ITGA8: variants seen among roughly 807,000 people sequenced by gnomAD.
ITGA8 encodes integrin subunit alpha 8.
ITGA8 carries 91 observed loss-of-function variants against 142.3 expected under a neutral mutation model. That is an observed-to-expected ratio of 0.64 (90% CI 0.54 to 0.76). The LOEUF is 0.76. ITGA8 is among the 30% of genes least tolerant of loss of function. The probability of loss-of-function intolerance (pLI) is 0.00; values close to 1 mark genes in which losing one functional copy is unlikely to be tolerated. For synonymous variants in ITGA8, 505 were observed against 485.2 expected (o/e 1.04, Z -0.54); for missense variants, 1,406 against 1,327.7 (o/e 1.06, Z -0.92).
At chr10:15,626,220 C>CTTTCT (rs767836477) in intron 13 of ITGA8, among the ~76,000 whole-genome samples, 32 of 152,196 alleles carry the variant, frequency 2.1e-4, no homozygotes, top group African/African-American at 6.0e-4. Context: ...GAGAGATGTT[C>CTTTCT]TTTCTTTTCT....
chr10:15,522,435 C>T (rs1438767813), intron 28 of ITGA8, among the ~76,000 whole-genome samples: 4 of 152,086 alleles, frequency 2.6e-5, no homozygotes, highest in African/African-American at 9.7e-5. Flanking sequence ...GAAGTGGACT[C>T]ACACAGTTTT....
rs114114237 is a variant in ITGA8 at position 15,588,572 on chromosome 10, A to T, written c.2292-1908T>A. ...CCAAATATATTATGGGTAATTCTTC[A>T]GTTTGGAAATTTAAATATATTTGTG... On this transcript the variant is annotated intron_variant, in intron 22 of 29. Transcript: ENST00000378076. 4.3e-3 allele frequency among the ~76,000 whole-genome samples: 655 copies of T among 152,328 alleles called. 3 individuals are homozygous for T. Among genetic ancestry groups the T allele is most frequent in the African/African-American group, 0.015 (613 of 41,576 alleles).
intron 4 of ITGA8, among the ~76,000 whole-genome samples, chr10:15,683,316 C>G (rs76351170): frequency 7.0e-6 from 1 of 142,124 alleles, no homozygotes; most frequent in Non-Finnish European, 1.5e-5. Flanking sequence ...CACCCACCCA[C>G]CCACCCACCC....
At chr10:15,583,908 A>G (rs1054761066) in intron 23 of ITGA8, among the ~76,000 whole-genome samples, 2 of 152,332 alleles carry the variant, frequency 1.3e-5, no homozygotes, top group South Asian at 2.1e-4. Context: ...GATATTGGTA[A>G]TCTTTGTAAC....
intron 25 of ITGA8, among the ~76,000 whole-genome samples, chr10:15,571,274 A>T (rs1834177835): frequency 1.3e-5 from 2 of 152,238 alleles, no homozygotes; most frequent in South Asian, 4.1e-4. Flanking sequence ...AGGTAGGGGC[A>T]GACCTGCTCT....
In ITGA8 at chr10:15,666,564, G is replaced by T. The variant is rs183498548; in HGVS notation, c.847+5039C>A. Among the ~76,000 whole-genome samples, 598 of 152,268 alleles carry T rather than the reference G, an allele frequency of 3.9e-3. 5 individuals carry two copies. The highest frequency in any genetic ancestry group is 0.014 in the African/African-American group (582 of 41,560). On this transcript the variant is annotated intron_variant, in intron 8 of 29. Coordinates refer to ENST00000378076, the MANE Select transcript of ITGA8 (RefSeq NM_003638.3). ...GAACTTCCAACACTATGTTGAATAG[G>T]AGTGATGAGAGAGGGCATCCCTGTC...
At chr10:15,676,808 A>C (rs1834638891) in intron 6 of ITGA8, among the ~76,000 whole-genome samples, 1 of 152,186 alleles carries the variant, frequency 6.6e-6, no homozygotes, top group Admixed American at 6.5e-5. Context: ...CAAGAGTTTG[A>C]GACCAGCCTG....
At chr10:15,563,870 T>C (rs1449057232) in intron 25 of ITGA8, among the ~76,000 whole-genome samples, 1 of 151,096 alleles carries the variant, frequency 6.6e-6, no homozygotes, top group African/African-American at 2.4e-5. Flanking sequence ...TGAGCCAAGA[T>C]AGTGCCACTG....
chr10:15,591,158 C>A (rs1868996), intron 22 of ITGA8, among the ~76,000 whole-genome samples: 42,093 of 151,862 alleles, frequency 0.28, 7,089 homozygotes, highest in Non-Finnish European at 0.38. Context: ...AGAAATTAAC[C>A]ATCTTGCACA....
Position 15,608,217 on chromosome 10 carries a change from A to C in ITGA8, c.1609+18T>G, listed in dbSNP as rs1451578313. The C allele has an allele frequency of 6.4e-7, 1 of 1,568,602 alleles. No individual in the cohort carries two copies. The highest frequency in any genetic ancestry group is 8.7e-7 in the Non-Finnish European group (1 of 1,145,478). On this transcript the variant is annotated intron_variant, in intron 16 of 29. Transcript: ENST00000378076. The stretch of plus-strand genomic sequence containing the variant: ...TTCTTAGTATACCATAAGAATGTAA[A>C]AATGAAAACATGCTTACCTATTGTG...
At chr10:15,631,730 AAAG>A (rs1366596356) in intron 13 of ITGA8, among the ~76,000 whole-genome samples, 1 of 151,710 alleles carries the variant, frequency 6.6e-6, no homozygotes, top group Admixed American at 6.6e-5. Context: ...AAAAAAAAAA[AAAG>A]CCATGGCCAA....
chr10:15,673,187 G>A (rs540449550), intron 6 of ITGA8, among the ~76,000 whole-genome samples: 2 of 152,256 alleles, frequency 1.3e-5, no homozygotes, highest in South Asian at 4.1e-4. Context: ...GGGTTCAAGT[G>A]ATTCTCCTGC....
intron 22 of ITGA8, among the ~76,000 whole-genome samples, chr10:15,588,469 G>A (rs1277245882): frequency 6.6e-6 from 1 of 152,142 alleles, no homozygotes; most frequent in African/African-American, 2.4e-5. Context: ...ATGTGTGTGT[G>A]TGTTTTTAAG....
intron 2 of ITGA8, among the ~76,000 whole-genome samples, chr10:15,693,237 G>A (rs1414497696): frequency 6.6e-6 from 1 of 152,098 alleles, no homozygotes; most frequent in African/African-American, 2.4e-5. Context: ...CATCTTATTT[G>A]TGTGTTTCCT....
At chr10:15,523,476 C>A (rs917316456) in intron 28 of ITGA8, among the ~76,000 whole-genome samples, 2 of 152,134 alleles carry the variant, frequency 1.3e-5, no homozygotes, top group Non-Finnish European at 2.9e-5. Flanking sequence ...CTGACAGCAG[C>A]GTCTTTAAAA....
intron 23 of ITGA8, among the ~76,000 whole-genome samples, chr10:15,576,570 C>G (rs1158750885): frequency 6.6e-6 from 1 of 152,108 alleles, no homozygotes; most frequent in Non-Finnish European, 1.5e-5. Flanking sequence ...TCATAGGGCC[C>G]TTTTAAAGGT....
At chr10:15,641,963 A>G (rs1263754817) in intron 13 of ITGA8, among the ~76,000 whole-genome samples, 2 of 152,066 alleles carry the variant, frequency 1.3e-5, no homozygotes, top group African/African-American at 4.8e-5. Flanking sequence ...CCCCATCTCT[A>G]CTAAAACTAC....
At chr10:15,645,749 C>A (rs1186728344) in intron 12 of ITGA8, among the ~76,000 whole-genome samples, 3 of 152,208 alleles carry the variant, frequency 2.0e-5, no homozygotes, top group Middle Eastern at 6.8e-3. Flanking sequence ...ATGCTCGGTT[C>A]TTAACTAAAG....
rs1025640446 is a variant in ITGA8, at chr10:15,515,026, G to C, written c.*2132C>G. On this transcript the variant is annotated 3_prime_UTR_variant, in exon 30 of 30. Coordinates refer to ENST00000378076, the MANE Select transcript of ITGA8 (RefSeq NM_003638.3). ...CACCAATGTTGGCTTAAAGACAAGGGGTGCATTTTTTCAGGGACCTTTTAG... is the reference window on the plus strand; with the variant it reads ...CACCAATGTTGGCTTAAAGACAAGGCGTGCATTTTTTCAGGGACCTTTTAG... 1 of 152,084 alleles carries C rather than the reference G, an allele frequency of 6.6e-6. No homozygotes were observed. Among genetic ancestry groups the C allele is most frequent in the African/African-American group, 2.4e-5 (1 of 41,384 alleles). 9.4% of individuals were successfully genotyped at this position (152,084 alleles called of 1,614,324 possible). A position where few individuals can be genotyped will look rare whatever the true frequency, so the allele number is the denominator to read the frequency against.
Sources: allele counts gnomAD v4.1 joint callset (sites outside exome capture counted in the v4.1 genomes callset), GRCh38; gene constraint gnomAD v4.1.1; transcripts MANE v1.5; gene names NCBI Gene and HGNC (gene_info 2026-07-23, HGNC 2026-07-21).